NDUFAF6: variants seen among roughly 807,000 people sequenced by gnomAD.
NDUFAF6 encodes NADH dehydrogenase (ubiquinone) complex I, assembly factor 6.
In NDUFAF6, 45 loss-of-function variants were observed where a neutral mutation model predicts 40.8. The ratio of observed to expected loss-of-function variants is 1.10; its 90% CI spans 0.87 to 1.42. The LOEUF is 1.42. Ranked by LOEUF, NDUFAF6 falls within the 40% of genes most tolerant of loss-of-function variation. The pLI, the probability that NDUFAF6 is intolerant of heterozygous loss-of-function variation, is 0.00. For missense variants in NDUFAF6, 435 were observed against 418.5 expected (o/e 1.04, Z -0.34); for synonymous variants, 185 against 155.9 (o/e 1.19, Z -1.39).
At chr8:95,077,915 A>C (rs1217038660), downstream of NDUFAF6, among the ~76,000 whole-genome samples, 1 of 152,060 alleles carries the variant, frequency 6.6e-6, no homozygotes, top group East Asian at 1.9e-4. Flanking sequence ...CAGCCCCCCG[A>C]GATGGAGCTC....
intron 1 of NDUFAF6, among the ~76,000 whole-genome samples, chr8:94,965,782 CTG>C (rs1011762486): frequency 3.6e-4 from 55 of 152,276 alleles, no homozygotes; most frequent in African/African-American, 1.2e-3. Flanking sequence ...AGTCAGAAGA[CTG>C]GGAATATGGA....
downstream of NDUFAF6, among the ~76,000 whole-genome samples, chr8:95,105,058 CACACACACAGAGAG>C (rs1187728620): frequency 8.4e-3 from 525 of 62,244 alleles, 1 homozygote; most frequent in African/African-American, 0.031. Flanking sequence ...CACACACACA[CACACACACAGAGAG>C]AGAGAGAGAG....
downstream of NDUFAF6, among the ~76,000 whole-genome samples, chr8:95,079,417 C>G (rs907935528): frequency 1.3e-5 from 2 of 152,152 alleles, no homozygotes; most frequent in Non-Finnish European, 2.9e-5. Context: ...AATAGCAGGT[C>G]TTTATTTTTA....
At chr8:94,930,494 A>G (rs1229899317) in intron 1 of NDUFAF6, 29 of 1,614,134 alleles carry the variant, frequency 1.8e-5, no homozygotes, top group Non-Finnish European at 2.4e-5. Context: ...AATTGTACTG[A>G]CGCGGGCAGG....
chr8:95,036,667 C>T (rs1464375038), intron 3 of NDUFAF6, among the ~76,000 whole-genome samples: 1 of 152,206 alleles, frequency 6.6e-6, no homozygotes, highest in Non-Finnish European at 1.5e-5. Flanking sequence ...GTAAAAGGTT[C>T]TGGCCTTTGT....
intron 1 of NDUFAF6, among the ~76,000 whole-genome samples, chr8:95,029,719 C>A (rs1440165144): frequency 2.6e-5 from 4 of 152,174 alleles, no homozygotes; most frequent in African/African-American, 7.2e-5. Flanking sequence ...TTGTAGAAAT[C>A]TCCTTTGATT....
intron 2 of NDUFAF6, among the ~76,000 whole-genome samples, chr8:95,011,019 C>T (rs911853805): frequency 2.0e-4 from 31 of 152,296 alleles, no homozygotes; most frequent in Middle Eastern, 3.4e-3. Flanking sequence ...CCTTGTCTAC[C>T]GCCTGCCTCC....
At chr8:95,090,383 T>G (rs187192323) in intron 2 of NDUFAF6, among the ~76,000 whole-genome samples, 4 of 152,342 alleles carry the variant, frequency 2.6e-5, no homozygotes, top group Admixed American at 1.3e-4. Flanking sequence ...TGGCCTGAGC[T>G]CCCCTTCTCT....
intron 1 of NDUFAF6, among the ~76,000 whole-genome samples, chr8:94,908,494 C>T (rs1025760427): frequency 2.6e-5 from 4 of 152,146 alleles, no homozygotes; most frequent in Non-Finnish European, 5.9e-5. Context: ...CTCAGCCTCC[C>T]AAGTAGCTGG....
intron 7 of NDUFAF6, among the ~76,000 whole-genome samples, chr8:95,050,234 G>A (rs1831276645): frequency 2.6e-5 from 4 of 152,324 alleles, no homozygotes; most frequent in Admixed American, 2.6e-4. Flanking sequence ...GGAGACTGGG[G>A]TAGTAAATCT....
intron 1 of NDUFAF6, among the ~76,000 whole-genome samples, chr8:94,917,516 T>C (rs1819216924): frequency 6.6e-6 from 1 of 152,254 alleles, no homozygotes; most frequent in Non-Finnish European, 1.5e-5. Context: ...AAATGAATTC[T>C]TTTTGTGTAA....
At chr8:95,102,568 C>A (rs972070792) in intron 2 of NDUFAF6, among the ~76,000 whole-genome samples, 1 of 152,122 alleles carries the variant, frequency 6.6e-6, no homozygotes, top group African/African-American at 2.4e-5. Context: ...GTGGAACTTG[C>A]TAGAAATCTA....
chr8:95,035,177 G>A (rs1829343541), intron 2 of NDUFAF6, among the ~76,000 whole-genome samples: 1 of 152,094 alleles, frequency 6.6e-6, no homozygotes, highest in African/African-American at 2.4e-5. Context: ...CACCGTGCCT[G>A]ACCAGAAGGC....
intron 2 of NDUFAF6, among the ~76,000 whole-genome samples, chr8:95,034,970 C>T (rs1829316232): frequency 6.6e-6 from 1 of 151,760 alleles, no homozygotes; most frequent in African/African-American, 2.4e-5. Flanking sequence ...ACCTCTGCCT[C>T]TCAGGTTTAA....
At chr8:94,912,525 G>A (rs529502055) in intron 1 of NDUFAF6, among the ~76,000 whole-genome samples, 19 of 152,192 alleles carry the variant, frequency 1.2e-4, no homozygotes, top group African/African-American at 4.1e-4. Flanking sequence ...GACTGGGTGC[G>A]GTGGCTCACG....
upstream of NDUFAF6, among the ~76,000 whole-genome samples, chr8:95,096,842 AT>A (rs1307955699): frequency 1.3e-5 from 2 of 152,194 alleles, no homozygotes; most frequent in Non-Finnish European, 2.9e-5. Context: ...TGCAAGTCTG[AT>A]TTTTGTGAAT....
intron 2 of NDUFAF6, among the ~76,000 whole-genome samples, chr8:95,010,367 G>A (rs539212239): frequency 6.6e-6 from 1 of 152,294 alleles, no homozygotes; most frequent in South Asian, 2.1e-4. Context: ...GATTACAGGT[G>A]TGAGCCACTG....
chr8:94,994,676 T>G (rs1209570591), intron 2 of NDUFAF6, among the ~76,000 whole-genome samples: 1 of 151,812 alleles, frequency 6.6e-6, no homozygotes, highest in Non-Finnish European at 1.5e-5. Flanking sequence ...TCTACAAAAA[T>G]TAACAAATTA....
chr8:95,114,802 G>A (rs7000734), intron 4 of NDUFAF6, among the ~76,000 whole-genome samples: 127,974 of 152,254 alleles, frequency 0.84, 54,288 homozygotes, highest in East Asian at 1. Flanking sequence ...GTTGAGATTT[G>A]TGAAATGGAC....
Sources: allele counts gnomAD v4.1 joint callset (sites outside exome capture counted in the v4.1 genomes callset), GRCh38; gene constraint gnomAD v4.1.1; transcripts MANE v1.5; gene names NCBI Gene and HGNC (gene_info 2026-07-23, HGNC 2026-07-21).